The following KCNQ5 variants were observed in gnomAD, a reference collection of about 807,000 sequenced individuals.
The protein encoded by KCNQ5 is potassium voltage-gated channel subfamily Q member 5, also known as potassium voltage-gated channel subfamily KQT member 5.
A neutral mutation model predicts 98.2 loss-of-function variants in KCNQ5; 30 were observed. The ratio of observed to expected loss-of-function variants is 0.31; its 90% confidence interval spans 0.23 to 0.41. KCNQ5 has a LOEUF of 0.41. Ranked by LOEUF, KCNQ5 falls within the 10% of genes least tolerant of loss-of-function variation. The probability of loss-of-function intolerance (pLI) is 1.00; values close to 1 mark genes in which losing one functional copy is unlikely to be tolerated. For synonymous variants in KCNQ5, 458 were observed against 449.4 expected (o/e 1.02, Z -0.24); for missense variants, 835 against 1,182.5 (o/e 0.71, Z 4.31).
intron 1 of KCNQ5, among the ~76,000 whole-genome samples, chr6:72,946,187 TTAACATGAAAAACCATCTA>T (rs1766539235): frequency 6.6e-6 from 1 of 152,198 alleles, no homozygotes; most frequent in Admixed American, 6.5e-5. Flanking sequence ...CACATTCATA[TTAACATGAAAAACCATCTA>T]TATGTGTTCC....
chr6:73,148,188 C>A (rs1444742763), intron 10 of KCNQ5, among the ~76,000 whole-genome samples: 1 of 152,098 alleles, frequency 6.6e-6, no homozygotes, highest in Non-Finnish European at 1.5e-5. Flanking sequence ...AGAGAAATTC[C>A]TTTTAATTAA....
At chr6:72,845,047 G>A (rs1167133153) in intron 1 of KCNQ5, among the ~76,000 whole-genome samples, 1 of 152,150 alleles carries the variant, frequency 6.6e-6, no homozygotes, top group African/African-American at 2.4e-5. Context: ...TACCTTGGAT[G>A]GGATCAATCT....
At chr6:72,782,349 C>T (rs1257996537) in intron 1 of KCNQ5, among the ~76,000 whole-genome samples, 1 of 152,176 alleles carries the variant, frequency 6.6e-6, no homozygotes, top group Non-Finnish European at 1.5e-5. Flanking sequence ...ATCTTCTCCA[C>T]ACCCTATACC....
chr6:73,024,640 T>G (rs1351446734), intron 2 of KCNQ5, among the ~76,000 whole-genome samples: 2 of 152,244 alleles, frequency 1.3e-5, no homozygotes, highest in East Asian at 1.9e-4. Flanking sequence ...AGTTTTATGT[T>G]TCTTTCAACT....
intron 1 of KCNQ5, among the ~76,000 whole-genome samples, chr6:72,939,520 A>C (rs1333248042): frequency 1.3e-5 from 2 of 152,290 alleles, no homozygotes; most frequent in Non-Finnish European, 2.9e-5. Flanking sequence ...CAACGTACAA[A>C]CAGGTCCTCC....
Position 73,156,428 on chromosome 6 carries a change from G to A in KCNQ5, c.1469-13318G>A, listed in dbSNP as rs1777363488. On this transcript the variant is annotated intron_variant, in intron 10 of 13. Transcript: ENST00000370398. ...GCACGCAGATCACCTGAGGTCAGGA[G>A]ATCGAGATCAGTCTGGCCAACATGG... is the stretch of plus-strand genomic sequence containing the variant. Among the ~76,000 whole-genome samples, 7 of 152,368 alleles carry A rather than the reference G, an allele frequency of 4.6e-5. No individual in the cohort carries two copies. The South Asian group carries it at 1.5e-3, about 32-fold the overall frequency.
At chr6:72,799,523 A>G (rs1359240132) in intron 1 of KCNQ5, among the ~76,000 whole-genome samples, 2 of 152,188 alleles carry the variant, frequency 1.3e-5, no homozygotes, top group Admixed American at 6.6e-5. Context: ...ATTTATAACT[A>G]TACACCTAGC....
At chr6:73,072,481 T>C (rs536452316) in intron 3 of KCNQ5, among the ~76,000 whole-genome samples, 2 of 152,314 alleles carry the variant, frequency 1.3e-5, no homozygotes, top group Non-Finnish European at 2.9e-5. Flanking sequence ...GAGTTCACAA[T>C]AGGGAAGCTT....
intron 1 of KCNQ5, among the ~76,000 whole-genome samples, chr6:72,814,250 G>A (rs914297017): frequency 7.2e-5 from 11 of 152,260 alleles, no homozygotes; most frequent in Admixed American, 5.2e-4. Flanking sequence ...AGCCATGCTC[G>A]GTGGTGCTCC....
chr6:72,936,040 T>A (rs2150234015), intron 1 of KCNQ5, among the ~76,000 whole-genome samples: 2 of 152,312 alleles, frequency 1.3e-5, no homozygotes, highest in South Asian at 4.1e-4. Flanking sequence ...AAATCCCATC[T>A]CTTCTGGTAA....
At chr6:72,848,841 C>T (rs1381163994) in intron 1 of KCNQ5, among the ~76,000 whole-genome samples, 1 of 152,132 alleles carries the variant, frequency 6.6e-6, no homozygotes, top group African/African-American at 2.4e-5. Context: ...TTGCTGCTGC[C>T]ATGTGAAGAA....
At chr6:73,013,591 T>G (rs985287421) in intron 2 of KCNQ5, among the ~76,000 whole-genome samples, 2 of 152,142 alleles carry the variant, frequency 1.3e-5, no homozygotes, top group African/African-American at 4.8e-5. Context: ...ACTGGCAATG[T>G]AAGTATCCCC....
At chr6:72,924,813 C>T (rs1105038) in intron 1 of KCNQ5, among the ~76,000 whole-genome samples, 7,096 of 152,142 alleles carry the variant, frequency 0.047, 572 homozygotes, top group African/African-American at 0.16. Context: ...GGGTCACATA[C>T]GTGAGGAGTG....
At chr6:72,758,611 C>T (rs905050274) in intron 1 of KCNQ5, among the ~76,000 whole-genome samples, 1 of 152,110 alleles carries the variant, frequency 6.6e-6, no homozygotes, top group Admixed American at 6.6e-5. Flanking sequence ...GCTTTTGATA[C>T]TCTCAGCTGC....
chr6:72,861,192 T>C (rs1011448726), intron 1 of KCNQ5, among the ~76,000 whole-genome samples: 5 of 152,190 alleles, frequency 3.3e-5, no homozygotes, highest in Admixed American at 6.5e-5. Context: ...GGAAACAGCA[T>C]GTGCCTCATG....
chr6:73,043,827 T>G (rs1771830818), intron 3 of KCNQ5, among the ~76,000 whole-genome samples: 1 of 152,270 alleles, frequency 6.6e-6, no homozygotes, highest in African/African-American at 2.4e-5. Context: ...TGCTGCCTTT[T>G]GATAGCTGTT....
rs557848800 is a variant in KCNQ5, at chr6:72,857,273, C to CT, written c.399-146627dup. On this transcript the variant is annotated intron_variant, in intron 1 of 13. Transcript: ENST00000370398. ...ATACTAAACAAATCTTCATTTTATT[C>CT]TTTTTTTTCATTTCCCTAGGCATTT... Among the ~76,000 whole-genome samples the CT allele has an allele frequency of 5.7e-4, 87 of 152,074 alleles. 1 individual carries two copies. In the South Asian group the frequency reaches 9.4e-3, roughly 16 times the overall value.
At chr6:72,937,730 T>C (rs576458159) in intron 1 of KCNQ5, among the ~76,000 whole-genome samples, 3 of 152,218 alleles carry the variant, frequency 2.0e-5, no homozygotes, top group Non-Finnish European at 4.4e-5. Context: ...TTTTAAGTTC[T>C]CTGTTATTAT....
intron 1 of KCNQ5, among the ~76,000 whole-genome samples, chr6:72,956,807 T>C (rs1001281053): frequency 6.6e-6 from 1 of 152,098 alleles, no homozygotes; most frequent in African/African-American, 2.4e-5. Context: ...CAAGGTAAGC[T>C]GAACTCCTGA....
Sources: allele counts gnomAD v4.1 joint callset (sites outside exome capture counted in the v4.1 genomes callset), GRCh38; gene constraint gnomAD v4.1.1; transcripts MANE v1.5; gene names NCBI Gene and HGNC (gene_info 2026-07-23, HGNC 2026-07-21).